The following NBAS variants were observed in gnomAD, a reference collection of about 807,000 sequenced individuals.
NBAS encodes NBAS subunit of NRZ tethering complex.
In NBAS, 219 loss-of-function variants were observed where a neutral mutation model predicts 302.5. The observed-to-expected ratio is 0.72, with a 90% CI of 0.65 to 0.81. The LOEUF (loss-of-function observed/expected upper bound fraction) is 0.81, where lower values mean the gene tolerates loss of function less well. Ranked by LOEUF, NBAS falls within the 30% of genes least tolerant of loss-of-function variation. The pLI, the probability that NBAS is intolerant of heterozygous loss-of-function variation, is 0.00. For synonymous variants in NBAS, 1,118 were observed against 1,021.6 expected, an observed-to-expected ratio of 1.09 and a Z score of -1.80; for missense variants, 2,932 against 2,841.6, an observed-to-expected ratio of 1.03 and a Z score of -0.72.
chr2:15,010,527 A>G, the NBAS span, among the ~76,000 whole-genome samples: 1 of 152,160 alleles, frequency 6.6e-6, no homozygotes, highest in African/African-American at 2.4e-5. Flanking sequence ...CCAATGTGAA[A>G]GTGAACCCAA....
At chr2:14,980,250 C>G in the NBAS span, among the ~76,000 whole-genome samples, 2 of 152,156 alleles carry the variant, frequency 1.3e-5, no homozygotes, top group East Asian at 3.9e-4. Context: ...CCCTGAGCAG[C>G]CAGGCAAAGA....
Position 15,503,153 on chromosome 2 carries a change from T to A in NBAS, c.954+992A>T, listed in dbSNP as rs569382757. Among the ~76,000 whole-genome samples, 15 of 152,310 alleles carry A rather than the reference T, an allele frequency of 9.8e-5. No homozygotes were observed. The East Asian group carries it at 2.9e-3, about 29-fold the overall frequency. ...AGGTCTTTAGGGATGGTAACACTCA[T>A]GGAGTTGTAATCTCCCATGTTAAGA... On this transcript the variant is annotated intron_variant, in intron 11 of 51. Transcript: ENST00000281513.
chr2:15,402,245 GCACT>G lies in NBAS; in HGVS notation c.2990_2993del (p.Glu997AlafsTer18). ...GATCATTTCGTTCACAGGTATAGATGCACTCTAGTGCTATTGCCATCAGTTGGTC... is the reference window on the plus strand; with the variant it reads ...GATCATTTCGTTCACAGGTATAGATGCTAGTGCTATTGCCATCAGTTGGTC... On this transcript the variant is annotated frameshift_variant, in exon 26 of 52. Coordinates refer to ENST00000281513, the MANE Select transcript of NBAS (RefSeq NM_015909.4). LOFTEE classifies it high-confidence loss of function. The G allele has an allele frequency of 6.2e-7, 1 of 1,613,472 alleles. No individual in the cohort carries two copies. Among genetic ancestry groups the G allele is most frequent in the East Asian group, 2.2e-5 (1 of 44,772 alleles).
chr2:15,147,473 A>G, the NBAS span, among the ~76,000 whole-genome samples: 25 of 152,106 alleles, frequency 1.6e-4, no homozygotes, highest in South Asian at 6.2e-4. Context: ...CATGCCTGTA[A>G]TCCCAGCTAC....
chr2:15,097,312 G>GGGT, the NBAS span, among the ~76,000 whole-genome samples: 1 of 152,152 alleles, frequency 6.6e-6, no homozygotes, highest in African/African-American at 2.4e-5. Context: ...GACCCCTGAG[G>GGGT]GGTAAGTCAG....
the NBAS span, among the ~76,000 whole-genome samples, chr2:15,057,314 G>GAAAAAAAAAA: frequency 1.5e-5 from 2 of 135,858 alleles, no homozygotes; most frequent in African/African-American, 5.8e-5. Context: ...ACAGAAATTT[G>GAAAAAAAAAA]AAAAAAAAAA....
At chr2:14,854,541 TAA>T in the NBAS span, among the ~76,000 whole-genome samples, 1 of 142,892 alleles carries the variant, frequency 7.0e-6, no homozygotes, top group Non-Finnish European at 1.5e-5. Context: ...GAGATAAAAT[TAA>T]AAAAAAAAAA....
At chr2:15,358,660 G>A (rs932586599) in intron 32 of NBAS, among the ~76,000 whole-genome samples, 2 of 152,084 alleles carry the variant, frequency 1.3e-5, no homozygotes, top group African/African-American at 4.8e-5. Flanking sequence ...ACCCAGGCCA[G>A]TCTTGAACTC....
chr2:15,015,317 A>AAC, the NBAS span, among the ~76,000 whole-genome samples: 5 of 151,898 alleles, frequency 3.3e-5, no homozygotes, highest in African/African-American at 9.7e-5. Context: ...ACAAAAAAAG[A>AAC]ACACACACAC....
intron 35 of NBAS, 21 bp downstream of exon 35, chr2:15,351,971 C>T (rs75096490): frequency 1.7e-5 from 27 of 1,568,468 alleles, no homozygotes; most frequent in Admixed American, 8.3e-5. Context: ...TTTCAAACTC[C>T]GCTCCCTCAT....
Position 15,186,756 on chromosome 2 carries a change from T to C in NBAS, c.6697A>G (p.Met2233Val). 1.2e-6 allele frequency: 2 copies of C among 1,613,862 alleles called. No individual in the cohort carries two copies. Among genetic ancestry groups the C allele is most frequent in the South Asian group, 1.1e-5 (1 of 91,074 alleles). The change falls in exon 50 of 52, where the codon ATG becomes GTG. Residue 2233 changes from methionine (M) to valine (V), a missense_variant. Met to Val is a conservative substitution (Grantham distance 21, BLOSUM62 1). Transcript: ENST00000281513. The stretch of plus-strand genomic sequence containing the variant: ...TATCCACTCACCTCTGCAGGCAGCA[T>C]CTGCTTGGTGTTATACAAAGAGCGA... ...MCRSLYNTKQ[M>V]LPAEGVKELC...
chr2:15,103,199 T>C, the NBAS span, among the ~76,000 whole-genome samples: 63 of 152,278 alleles, frequency 4.1e-4, 1 homozygote, highest in East Asian at 0.011. Flanking sequence ...TTCAGTCCTG[T>C]TGTCCCTGGG....
chr2:14,809,540 C>G, the NBAS span, among the ~76,000 whole-genome samples: 2 of 152,182 alleles, frequency 1.3e-5, no homozygotes, highest in African/African-American at 2.4e-5. Flanking sequence ...CAACCTCCCC[C>G]TAGATTTCAC....
chr2:14,813,609 C>A, the NBAS span, among the ~76,000 whole-genome samples: 1 of 152,104 alleles, frequency 6.6e-6, no homozygotes, highest in Non-Finnish European at 1.5e-5. Flanking sequence ...CATGCATGAA[C>A]AAAAAGATTA....
At chr2:15,173,059 C>A (rs1042436078) in intron 51 of NBAS, among the ~76,000 whole-genome samples, 1 of 152,158 alleles carries the variant, frequency 6.6e-6, no homozygotes, top group Non-Finnish European at 1.5e-5. Context: ...GCAAACAAAT[C>A]ATGAGAAAAG....
At chr2:15,396,619 T>C (rs1156376889) in intron 26 of NBAS, 144 bp from the exon 27 acceptor site, 1 of 565,292 alleles carries the variant, frequency 1.8e-6, no homozygotes, top group Non-Finnish European at 3.1e-6. Context: ...TTCAGCATTA[T>C]TAATGATTCA....
At chr2:15,063,783 G>A in the NBAS span, among the ~76,000 whole-genome samples, 2 of 152,162 alleles carry the variant, frequency 1.3e-5, no homozygotes, top group Non-Finnish European at 2.9e-5. Flanking sequence ...GAGAGCCAAG[G>A]AGAGAGGTCT....
intron 26 of NBAS, among the ~76,000 whole-genome samples, chr2:15,396,969 A>T (rs1675894319): frequency 6.6e-6 from 1 of 152,208 alleles, no homozygotes; most frequent in Non-Finnish European, 1.5e-5. Flanking sequence ...CTTTAAGGGA[A>T]GGAAATCCCA....
At chr2:15,408,605 T>C (rs576508383) in intron 25 of NBAS, among the ~76,000 whole-genome samples, 86 of 152,332 alleles carry the variant, frequency 5.6e-4, no homozygotes, top group Non-Finnish European at 8.7e-4. Flanking sequence ...CTTTAAAAAG[T>C]CTTTTTTACA....
Sources: allele counts gnomAD v4.1 joint callset (sites outside exome capture counted in the v4.1 genomes callset), GRCh38; gene constraint gnomAD v4.1.1; transcripts MANE v1.5; gene names NCBI Gene and HGNC (gene_info 2026-07-23, HGNC 2026-07-21).